The following COIL variants were observed in gnomAD, a reference collection of about 807,000 sequenced individuals.
COIL encodes the protein coilin.
Under a neutral mutation model 51.6 loss-of-function variants are expected in COIL, and 28 were observed. That is an observed-to-expected ratio of 0.54 (90% CI 0.40 to 0.74). COIL has a LOEUF of 0.74. COIL is among the 30% of genes least tolerant of loss of function. The pLI is 0.00. For synonymous variants in COIL, 233 were observed against 255.8 expected, an observed-to-expected ratio of 0.91 and a Z score of 0.85; for missense variants, 667 against 685.9, an observed-to-expected ratio of 0.97 and a Z score of 0.31.
Position 56,950,612 on chromosome 17 carries a change from G to A in COIL, c.630C>T (p.Asp210=), listed in dbSNP as rs753854237. Residue 210 remains aspartate, a synonymous_variant, in exon 2 of 7, where the codon GAC becomes GAT. Transcript: ENST00000240316. ...GAGAACTACATCTCTGATTGGCCCAGTCTTTCACTGCCTGTACTTTCGGAG... is the reference window on the plus strand; with the variant it reads ...GAGAACTACATCTCTGATTGGCCCAATCTTTCACTGCCTGTACTTTCGGAG... ...PKSPKVQAVK[D]WANQRCSSPK... is the part of the protein sequence containing the mutation. 6.2e-7 allele frequency: 1 copy of A among 1,614,034 alleles called. No homozygotes were observed. The highest frequency in any genetic ancestry group is 8.5e-7 in the Non-Finnish European group (1 of 1,180,026).
At chr17:56,951,296 C>T in intron 1 of COIL, 1 of 250,130 alleles carries the variant, frequency 4.0e-6, no homozygotes, top group Non-Finnish European at 7.5e-6. Context: ...TTACAGATCG[C>T]AAAATTACAG....
intron 5 of COIL, among the ~76,000 whole-genome samples, chr17:56,943,225 C>A (rs563342458): frequency 6.6e-6 from 1 of 152,310 alleles, no homozygotes; most frequent in Non-Finnish European, 1.5e-5. Context: ...TACATTTTAT[C>A]CTTTGAACTT....
intron 4 of COIL, among the ~76,000 whole-genome samples, chr17:56,949,032 G>A (rs1482196785): frequency 2.0e-5 from 3 of 152,118 alleles, no homozygotes; most frequent in Non-Finnish European, 4.4e-5. Flanking sequence ...CCAACACTTT[G>A]GGAAGCCAAG....
chr17:56,950,960 A>G lies in COIL; in HGVS notation c.282T>C (p.Ser94=). 6.2e-7 allele frequency: 1 copy of G among 1,608,980 alleles called. No individual in the cohort carries two copies. The highest frequency in any genetic ancestry group is 8.5e-7 in the Non-Finnish European group (1 of 1,179,378). Residue 94 remains serine (S), a synonymous_variant, in exon 2 of 7, where the codon TCT becomes TCC. Coordinates refer to ENST00000240316, the MANE Select transcript of COIL (RefSeq NM_004645.3). ...TAATGTCACCATTACTGATGACTACAGAATTCTCAGCAACTCCTCTCTCTT... is the reference window on the plus strand; with the variant it reads ...TAATGTCACCATTACTGATGACTACGGAATTCTCAGCAACTCCTCTCTCTT... The part of the protein sequence containing the change: ...KLEERGVAEN[S]VVISNGDINL...
Position 56,950,867 on chromosome 17 carries a change from A to G in COIL, c.375T>C (p.Asp125=), listed in dbSNP as rs768389115. 7.4e-6 allele frequency: 12 copies of G among 1,613,790 alleles called. No homozygotes were observed. The African/African-American group carries it at 1.3e-4, about 18-fold the overall frequency. ...TCCAATGCTTCTTTGAATATTTGCA[A>G]TCTGGTTCAGTTTCTTCACCCTCCT... ...QLEEGEETEP[D]CKYSKKHWKS... The change falls in exon 2 of 7, where the codon GAT becomes GAC. Residue 125 remains aspartate (D), a synonymous_variant. Transcript: ENST00000240316.
rs373818249 is a variant in COIL at position 56,959,700 on chromosome 17, T to A, written c.245+1075A>T. Among the ~76,000 whole-genome samples, 22 of 152,310 alleles carry A rather than the reference T, an allele frequency of 1.4e-4. No homozygotes were observed. The South Asian group carries it at 3.5e-3, about 24-fold the overall frequency. The stretch of plus-strand genomic sequence containing the variant: ...TATGAAGAAAACACAACGATTCCCC[T>A]TTGTCAGCTTCCTGCACCTGACCCT... On this transcript the variant is annotated intron_variant, in intron 1 of 6. Transcript: ENST00000240316.
At chr17:56,944,461 G>A (rs904364981) in intron 5 of COIL, among the ~76,000 whole-genome samples, 6 of 150,960 alleles carry the variant, frequency 4.0e-5, no homozygotes, top group Non-Finnish European at 5.9e-5. Context: ...GTGTGGTGGC[G>A]GGTGCCTGTA....
At position 56,960,829 on chromosome 17, in the gene COIL, C is replaced by A. The variant is rs1263392130; in HGVS notation, c.191G>T (p.Gly64Val). 2.5e-6 allele frequency: 4 copies of A among 1,599,176 alleles called. No individual in the cohort carries two copies. The highest frequency in any genetic ancestry group is 3.5e-5 in the Admixed American group (2 of 57,120). ...GAFLGLYLEG[G>V]LLPPAESARL... ...CGCGCTCTCGGCGGGGGGCAAGAGC[C>A]CCCCCTCCAGGTAGAGGCCTAGGAA... Residue 64 changes from glycine (G) to valine (V), a missense_variant, in exon 1 of 7, where the codon GGG becomes GTG. By Grantham distance (109) the Gly-to-Val change is moderately radical. Coordinates refer to ENST00000240316, the MANE Select transcript of COIL (RefSeq NM_004645.3).
chr17:56,957,646 T>C (rs1320338491), intron 1 of COIL, among the ~76,000 whole-genome samples: 2 of 152,050 alleles, frequency 1.3e-5, no homozygotes, highest in Admixed American at 6.5e-5. Flanking sequence ...AATTAATTAA[T>C]TAATTAAAAT....
At chr17:56,952,350 C>A in intron 1 of COIL, 3 of 440,088 alleles carry the variant, frequency 6.8e-6, no homozygotes, top group South Asian at 5.2e-5. Flanking sequence ...TCATAGACCA[C>A]GAAGAAGCAA....
At chr17:56,951,042 C>A in intron 1 of COIL, 46 bp from the exon 2 acceptor site, 1 of 1,519,792 alleles carries the variant, frequency 6.6e-7, no homozygotes, top group Non-Finnish European at 8.8e-7. Flanking sequence ...AATTTATAAA[C>A]ACATCTCCAG....
At chr17:56,960,546 A>T (rs187676233) in intron 1 of COIL, 67 of 251,532 alleles carry the variant, frequency 2.7e-4, no homozygotes, top group African/African-American at 4.9e-4. Context: ...ATAATAATAA[A>T]AAATAATAAT....
intron 6 of COIL, chr17:56,941,332 G>A (rs1910144655): frequency 1.3e-5 from 2 of 152,210 alleles, no homozygotes; most frequent in African/African-American, 4.8e-5. Flanking sequence ...CACTTTGGGA[G>A]GCCTAAGTGG....
At chr17:56,942,651 G>A (rs1318511536) in intron 5 of COIL, among the ~76,000 whole-genome samples, 1 of 152,102 alleles carries the variant, frequency 6.6e-6, no homozygotes, top group Non-Finnish European at 1.5e-5. Flanking sequence ...GAGTAGCTGG[G>A]ATTACAGGCA....
At position 56,948,136 on chromosome 17, in the gene COIL, T is replaced by A. The variant is rs1416974375; in HGVS notation, c.1488+1251A>T. Among the ~76,000 whole-genome samples the A allele has an allele frequency of 4.3e-3, 616 of 142,966 alleles. 8 individuals are homozygous for A. Among genetic ancestry groups the A allele is most frequent in the African/African-American group, 0.017 (596 of 35,618 alleles). 93.8% of individuals were successfully genotyped at this position (142,966 alleles called of 152,430 possible). ...CCAGCCTGCTTTTGAGGAAAGATTT[T>A]TTTTTTTTTTTTTTTTGAGATGGAG... On this transcript the variant is annotated intron_variant, in intron 4 of 6. Transcript: ENST00000240316.
intron 6 of COIL, 143 bp from the exon 7 acceptor site, chr17:56,939,297 G>A: frequency 1.6e-6 from 1 of 608,238 alleles, no homozygotes; most frequent in Non-Finnish European, 3.0e-6. Flanking sequence ...TTCAATTGCA[G>A]TATAGTAACT....
At chr17:56,951,051 A>C in intron 1 of COIL, 55 bp from the exon 2 acceptor site, 1 of 1,476,112 alleles carries the variant, frequency 6.8e-7, no homozygotes, top group South Asian at 1.3e-5. Flanking sequence ...ACACATCTCC[A>C]GGACATAGTT....
At chr17:56,946,375 A>G in intron 5 of COIL, 67 bp downstream of exon 5, 1 of 1,093,340 alleles carries the variant, frequency 9.1e-7, no homozygotes, top group East Asian at 2.4e-5. Context: ...TCTCCTGTGT[A>G]TAAAAGCTAT....
At chr17:56,958,113 T>A (rs1204662656) in intron 1 of COIL, among the ~76,000 whole-genome samples, 1 of 152,246 alleles carries the variant, frequency 6.6e-6, no homozygotes, top group African/African-American at 2.4e-5. Flanking sequence ...ATAACTGTGC[T>A]TTGATCATCC....
Sources: gnomAD v4.1 joint callset for allele counts (sites outside exome capture counted in the v4.1 genomes callset) on GRCh38, gnomAD v4.1.1 for gene constraint, MANE v1.5 for transcripts, NCBI Gene and HGNC (gene_info 2026-07-23, HGNC 2026-07-21) for gene names.